The following ZNF678 variants were observed in gnomAD, a reference collection of about 807,000 sequenced individuals.
ZNF678 encodes the protein hypothetical protein MGC42493.
ZNF678 carries 5 observed loss-of-function variants against 3.0 expected under a neutral mutation model. That is an observed-to-expected ratio of 1.69 (90% confidence interval 0.88 to 3.56). The LOEUF (loss-of-function observed/expected upper bound fraction) is 3.56, where lower values mean the gene tolerates loss of function less well. Among genes scored for constraint, ZNF678 ranks in the 30% most tolerant of loss-of-function variants. ZNF678 has a pLI of 0.00. For synonymous variants in ZNF678, 218 were observed against 199.6 expected, an observed-to-expected ratio of 1.09 and a Z score of -0.78; for missense variants, 593 against 605.0, an observed-to-expected ratio of 0.98 and a Z score of 0.21.
At chr1:227,632,149 A>G (rs980988676) in intron 1 of ZNF678, among the ~76,000 whole-genome samples, 1 of 152,148 alleles carries the variant, frequency 6.6e-6, no homozygotes, top group African/African-American at 2.4e-5. Flanking sequence ...ATAACTGCCT[A>G]TGTCAAGAGC....
chr1:227,592,439 G>T (rs893428083), intron 1 of ZNF678, among the ~76,000 whole-genome samples: 1 of 152,242 alleles, frequency 6.6e-6, no homozygotes, highest in Non-Finnish European at 1.5e-5. Flanking sequence ...GCCTTGGCCA[G>T]GGCCCTACAG....
intron 2 of ZNF678, among the ~76,000 whole-genome samples, chr1:227,649,131 A>G (rs1659028555): frequency 6.6e-6 from 1 of 152,334 alleles, no homozygotes; most frequent in East Asian, 1.9e-4. Context: ...TTATTGTCAT[A>G]TCTTGGCAAT....
chr1:227,643,406 C>T (rs897447542), intron 1 of ZNF678, among the ~76,000 whole-genome samples: 2 of 152,164 alleles, frequency 1.3e-5, no homozygotes, highest in African/African-American at 2.4e-5. Context: ...AAAGACGTAA[C>T]TGAAAATAAG....
chr1:227,570,792 A>G (rs1246627817), intron 1 of ZNF678, among the ~76,000 whole-genome samples: 1 of 151,560 alleles, frequency 6.6e-6, no homozygotes, highest in Admixed American at 6.6e-5. Context: ...TTTGTGTGTT[A>G]TTTTAGGTTC....
Position 227,660,369 on chromosome 1 carries a change from A to C in ZNF678, c.*4541A>C, listed in dbSNP as rs1225657926. The C allele has an allele frequency of 6.6e-6, 1 of 151,830 alleles. No homozygotes were observed. The highest frequency in any genetic ancestry group is 1.9e-4 in the East Asian group (1 of 5,194). 9.4% of individuals were successfully genotyped at this position (151,830 alleles called of 1,614,324 possible). On this transcript the variant is annotated 3_prime_UTR_variant, in exon 4 of 4. Coordinates refer to ENST00000343776, the MANE Select transcript of ZNF678 (RefSeq NM_001367909.1). Reference sequence around the variant, plus strand: ...CAATATTAATTTGGCCAATTTATGAATAAGGGATAACTTTTCATTTATTTA... The same window carrying C: ...CAATATTAATTTGGCCAATTTATGACTAAGGGATAACTTTTCATTTATTTA...
At chr1:227,634,851 C>G (rs1658633792) in intron 1 of ZNF678, among the ~76,000 whole-genome samples, 1 of 152,150 alleles carries the variant, frequency 6.6e-6, no homozygotes. Context: ...TTTTAGAACC[C>G]CAGGGCTTTG....
intron 1 of ZNF678, among the ~76,000 whole-genome samples, chr1:227,619,789 A>G (rs569037867): frequency 3.4e-4 from 52 of 152,158 alleles, no homozygotes; most frequent in African/African-American, 1.1e-3. Flanking sequence ...TGAGGTTGCA[A>G]TTTTTTGAAT....
intron 1 of ZNF678, among the ~76,000 whole-genome samples, chr1:227,597,908 C>T (rs1251560773): frequency 2.6e-5 from 4 of 152,202 alleles, no homozygotes; most frequent in Non-Finnish European, 5.9e-5. Context: ...CACTATTCTG[C>T]TAGCTAAAGA....
intron 1 of ZNF678, among the ~76,000 whole-genome samples, chr1:227,632,272 C>G (rs1201219220): frequency 6.6e-6 from 1 of 152,118 alleles, no homozygotes; most frequent in Admixed American, 6.5e-5. Flanking sequence ...ACAAATTGCT[C>G]TAATACTTGG....
At chr1:227,634,112 T>A (rs1395017659) in intron 1 of ZNF678, among the ~76,000 whole-genome samples, 1 of 152,160 alleles carries the variant, frequency 6.6e-6, no homozygotes, top group Non-Finnish European at 1.5e-5. Flanking sequence ...GACATTTCTA[T>A]ACACCCGCTG....
At chr1:227,608,206 T>TCTAGC (rs1471864730) in intron 1 of ZNF678, among the ~76,000 whole-genome samples, 1 of 152,082 alleles carries the variant, frequency 6.6e-6, no homozygotes. Context: ...TATCTAGCCA[T>TCTAGC]CTAGCCACAT....
chr1:227,611,551 A>G (rs936098136), intron 1 of ZNF678, among the ~76,000 whole-genome samples: 3 of 152,144 alleles, frequency 2.0e-5, no homozygotes, highest in African/African-American at 7.2e-5. Flanking sequence ...ATTCACCTTC[A>G]TCTGTGTTCT....
At chr1:227,565,312 C>T (rs1656648005) in intron 1 of ZNF678, among the ~76,000 whole-genome samples, 1 of 152,026 alleles carries the variant, frequency 6.6e-6, no homozygotes, top group Non-Finnish European at 1.5e-5. Context: ...GATCTACCCG[C>T]CTCTCCCTCC....
intron 3 of ZNF678, among the ~76,000 whole-genome samples, chr1:227,653,502 C>A (rs899569498): frequency 1.3e-5 from 2 of 151,256 alleles, no homozygotes; most frequent in Non-Finnish European, 3.0e-5. Flanking sequence ...ATTTTGTTTC[C>A]TTGATTGGAC....
At chr1:227,637,975 T>C (rs1461054233) in intron 1 of ZNF678, among the ~76,000 whole-genome samples, 1 of 151,962 alleles carries the variant, frequency 6.6e-6, no homozygotes, top group Non-Finnish European at 1.5e-5. Flanking sequence ...AAAGAGATAG[T>C]ATGGGTGTCG....
intron 1 of ZNF678, among the ~76,000 whole-genome samples, chr1:227,645,372 G>A (rs1344150734): frequency 6.6e-6 from 1 of 152,190 alleles, no homozygotes; most frequent in African/African-American, 2.4e-5. Flanking sequence ...GAAATGTCAT[G>A]TGTTTAAAAC....
Position 227,568,579 on chromosome 1 carries a change from T to C in ZNF678, c.-164+4855T>C, listed in dbSNP as rs185056312. Among the ~76,000 whole-genome samples the C allele has an allele frequency of 2.7e-3, 404 of 152,326 alleles. 1 individual carries two copies. The highest frequency in any genetic ancestry group is 3.8e-3 in the Non-Finnish European group (259 of 68,018). ...TCCTTTGCTGTATACAGATCTTTCA[T>C]TTGGCTGTTTTGAGATGTACTTTCA... is the stretch of plus-strand genomic sequence containing the variant. On this transcript the variant is annotated intron_variant, in intron 1 of 3. Coordinates refer to ENST00000343776, the MANE Select transcript of ZNF678 (RefSeq NM_001367909.1).
At chr1:227,635,514 T>TG (rs1658652734) in intron 1 of ZNF678, among the ~76,000 whole-genome samples, 10 of 142,162 alleles carry the variant, frequency 7.0e-5, no homozygotes, top group Non-Finnish European at 1.2e-4. Flanking sequence ...AGGGTGAACA[T>TG]TTGTGTGTGT....
chr1:227,568,440 A>AGAT (rs1238155389), intron 1 of ZNF678, among the ~76,000 whole-genome samples: 3 of 152,110 alleles, frequency 2.0e-5, no homozygotes, highest in Admixed American at 2.0e-4. Flanking sequence ...AGTCAAAATG[A>AGAT]GAAGAGTGTT....
Sources: allele counts gnomAD v4.1 joint callset (sites outside exome capture counted in the v4.1 genomes callset), GRCh38; gene constraint gnomAD v4.1.1; transcripts MANE v1.5; gene names NCBI Gene and HGNC (gene_info 2026-07-23, HGNC 2026-07-21).